Variants in DNAH11 observed in about 807,000 individuals in gnomAD.
DNAH11 encodes the protein dynein axonemal heavy chain 11.
In DNAH11, 442 loss-of-function variants were observed where a neutral mutation model predicts 526.0. The ratio of observed to expected loss-of-function variants is 0.84; its 90% confidence interval spans 0.78 to 0.91. The LOEUF is 0.91. DNAH11 is among the 40% of genes least tolerant of loss of function. DNAH11 has a pLI of 0.00. For synonymous variants in DNAH11, 2,461 were observed against 1,935.9 expected, an observed-to-expected ratio of 1.27 and a Z score of -7.12; for missense variants, 6,989 against 5,448.7, an observed-to-expected ratio of 1.28 and a Z score of -8.90.
At chr7:21,799,035 A>C (rs1788843440) in intron 61 of DNAH11, among the ~76,000 whole-genome samples, 1 of 152,192 alleles carries the variant, frequency 6.6e-6, no homozygotes, top group Non-Finnish European at 1.5e-5. Context: ...TTTGAAACCA[A>C]AAATTTTGAG....
Position 21,630,523 on chromosome 7 carries a change from T to C in DNAH11, c.4501-5348T>C, listed in dbSNP as rs556775047. 4.1e-4 allele frequency among the ~76,000 whole-genome samples: 62 copies of C among 152,366 alleles called. No individual in the cohort carries two copies. In the South Asian group the frequency reaches 4.6e-3, roughly 11 times the overall value. On this transcript the variant is annotated intron_variant, in intron 25 of 81. Transcript: ENST00000409508. ...TCTGGTGGTGGCGAATTAGCTCAGCTTTTGTTTGTCAGGGAAAATACTTCA... is the reference window on the plus strand; with the variant it reads ...TCTGGTGGTGGCGAATTAGCTCAGCCTTTGTTTGTCAGGGAAAATACTTCA...
chr7:21,778,464 A>C (rs1205623954), intron 56 of DNAH11, among the ~76,000 whole-genome samples: 1 of 152,210 alleles, frequency 6.6e-6, no homozygotes, highest in African/African-American at 2.4e-5. Flanking sequence ...GAGACCTATC[A>C]GTGGGCATTT....
intron 22 of DNAH11, among the ~76,000 whole-genome samples, chr7:21,616,767 A>G (rs1393105431): frequency 6.6e-6 from 1 of 152,192 alleles, no homozygotes; most frequent in African/African-American, 2.4e-5. Context: ...GGGGCTCAAC[A>G]TATACAGAAC....
chr7:21,873,014 G>A (rs1454377495), intron 73 of DNAH11, among the ~76,000 whole-genome samples: 3 of 151,868 alleles, frequency 2.0e-5, no homozygotes, highest in Non-Finnish European at 4.4e-5. Flanking sequence ...TGTGTATTGC[G>A]TGGAGATTTT....
chr7:21,625,911 G>T (rs1583541123), intron 25 of DNAH11, among the ~76,000 whole-genome samples: 1 of 152,060 alleles, frequency 6.6e-6, no homozygotes, highest in East Asian at 1.9e-4. Flanking sequence ...TTATCTGGCA[G>T]ACTTGGAAAA....
At chr7:21,778,172 A>C (rs948555842) in intron 56 of DNAH11, among the ~76,000 whole-genome samples, 1 of 152,116 alleles carries the variant, frequency 6.6e-6, no homozygotes, top group African/African-American at 2.4e-5. Flanking sequence ...AACCTGATGA[A>C]ATTATAACTG....
chr7:21,817,086 A>T (rs1352382575), intron 64 of DNAH11, among the ~76,000 whole-genome samples: 1 of 152,100 alleles, frequency 6.6e-6, no homozygotes, highest in African/African-American at 2.4e-5. Context: ...TTCTAAATCT[A>T]TACTCCGCCT....
intron 38 of DNAH11, among the ~76,000 whole-genome samples, 196 bp downstream of exon 38, chr7:21,704,824 A>G (rs1784204988): frequency 6.6e-6 from 1 of 152,244 alleles, no homozygotes; most frequent in South Asian, 2.1e-4. Context: ...CCGTAAGGTG[A>G]AAACATAGAT....
rs940584563 is a variant in DNAH11, at chr7:21,816,611, C to T, written c.10477C>T (p.Pro3493Ser). 1 of 1,613,570 alleles carries T rather than the reference C, an allele frequency of 6.2e-7. No individual in the cohort carries two copies. Among genetic ancestry groups the T allele is most frequent in the Non-Finnish European group, 8.5e-7 (1 of 1,179,804 alleles). ...TATCCTAACACACTGTGAGCGCTGGCCTCTGGTGATAGATCCCCAGCAACA... is the reference window on the plus strand; with the variant it reads ...TATCCTAACACACTGTGAGCGCTGGTCTCTGGTGATAGATCCCCAGCAACA... ...AAILTHCERW[P>S]LVIDPQQQGI... Residue 3493 changes from proline to serine, a missense_variant, in exon 64 of 82, where the codon CCT becomes TCT. By Grantham distance (74) the Pro-to-Ser change is moderately conservative. Transcript: ENST00000409508.
chr7:21,789,297 G>C lies in DNAH11; in HGVS notation c.9981G>C (p.Leu3327=). The change falls in exon 61 of 82, where the codon CTG becomes CTC. Residue 3327 remains leucine, a synonymous_variant. Transcript: ENST00000409508. Reference sequence around the variant, plus strand: ...CATTAGCCCAAGCAAACTTAGAACTGGCTGCAGCTACTGAAAAACTAGAGG... The same window carrying C: ...CATTAGCCCAAGCAAACTTAGAACTCGCTGCAGCTACTGAAAAACTAGAGG... The part of the protein sequence containing the change: ...RQALAQANLE[L]AAATEKLEAI... 13 of 1,577,914 alleles carry C rather than the reference G, an allele frequency of 8.2e-6. No homozygotes were observed. The highest frequency in any genetic ancestry group is 1.0e-5 in the Non-Finnish European group (12 of 1,161,354).
In DNAH11 at chr7:21,862,070, G is replaced by T. The variant is rs367785980; in HGVS notation, c.11373+47G>T. 1.9e-4 allele frequency: 288 copies of T among 1,528,992 alleles called. 1 individual carries two copies. The highest frequency in any genetic ancestry group is 5.6e-5 in the African/African-American group (4 of 71,730). The allele number at this position is 1,528,992 out of a possible 1,614,324, so 94.7% of individuals were successfully genotyped here. ...AAAAGGATCCCCAGAACCAAAGGCA[G>T]ATGCCTCTGTTTATTATATATTTTA... is the stretch of plus-strand genomic sequence containing the variant. On this transcript the variant is annotated intron_variant, in intron 69 of 81. Coordinates refer to ENST00000409508, the MANE Select transcript of DNAH11 (RefSeq NM_001277115.2).
intron 8 of DNAH11, among the ~76,000 whole-genome samples, chr7:21,575,020 G>A (rs1431199734): frequency 1.3e-5 from 2 of 151,702 alleles, no homozygotes; most frequent in Non-Finnish European, 2.9e-5. Flanking sequence ...GATTACAGGA[G>A]TGTGCCACCA....
At chr7:21,739,116 T>C (rs1785756284) in intron 47 of DNAH11, among the ~76,000 whole-genome samples, 1 of 152,140 alleles carries the variant, frequency 6.6e-6, no homozygotes, top group Non-Finnish European at 1.5e-5. Flanking sequence ...GTCTCAGAAA[T>C]GTTAAGACTG....
intron 45 of DNAH11, among the ~76,000 whole-genome samples, chr7:21,730,731 C>G (rs1262922353): frequency 2.6e-5 from 4 of 152,098 alleles, no homozygotes; most frequent in Non-Finnish European, 5.9e-5. Context: ...TACAAAATTT[C>G]AGTTAGGAGA....
At chr7:21,883,939 A>T (rs1359419544) in intron 75 of DNAH11, among the ~76,000 whole-genome samples, 2 of 152,152 alleles carry the variant, frequency 1.3e-5, no homozygotes, top group Non-Finnish European at 2.9e-5. Flanking sequence ...GTTACTTGGG[A>T]GGCTGAGGCG....
chr7:21,767,205 G>A (rs983843161), intron 55 of DNAH11, among the ~76,000 whole-genome samples: 1 of 152,164 alleles, frequency 6.6e-6, no homozygotes, highest in Non-Finnish European at 1.5e-5. Context: ...GAGTCAGTAT[G>A]TATCTTCTGA....
rs1038959801 is a variant in DNAH11, at chr7:21,773,851, A to G, written c.9188A>G (p.Glu3063Gly). The G allele has an allele frequency of 6.2e-6, 10 of 1,608,732 alleles. No homozygotes were observed. The South Asian group carries it at 8.9e-5, about 14-fold the overall frequency. Residue 3063 changes from glutamate to glycine, a missense_variant, in exon 56 of 82, where the codon GAG (glutamate) becomes GGG (glycine). Transcript: ENST00000409508. ...ATGAGTACCAGATATTACCAGAATGAGAGAAGACACAACTATACCACCCCA... is the reference window on the plus strand; with the variant it reads ...ATGAGTACCAGATATTACCAGAATGGGAGAAGACACAACTATACCACCCCA... ...NEMSTRYYQN[E>G]RRHNYTTPKS...
At chr7:21,765,629 C>G (rs1165711745) in intron 55 of DNAH11, 40 bp downstream of exon 55, 2 of 1,140,248 alleles carry the variant, frequency 1.8e-6, no homozygotes, top group Admixed American at 3.6e-5. Context: ...CACACACACA[C>G]ACACACACAC....
At chr7:21,562,825 C>G (rs1248105851) in intron 5 of DNAH11, among the ~76,000 whole-genome samples, 1 of 152,084 alleles carries the variant, frequency 6.6e-6, no homozygotes, top group African/African-American at 2.4e-5. Context: ...ATTCTCAGGG[C>G]TTTATTGTTA....
Sources: allele counts gnomAD v4.1 joint callset (sites outside exome capture counted in the v4.1 genomes callset), GRCh38; gene constraint gnomAD v4.1.1; transcripts MANE v1.5; gene names NCBI Gene and HGNC (gene_info 2026-07-23, HGNC 2026-07-21).